CSMD3: variants seen among roughly 807,000 people sequenced by gnomAD.
The protein encoded by CSMD3 is CUB and sushi domain-containing protein 3.
In CSMD3, 177 loss-of-function variants were observed where a neutral mutation model predicts 435.2. The ratio of observed to expected loss-of-function variants is 0.41; its 90% CI spans 0.36 to 0.46. The LOEUF (loss-of-function observed/expected upper bound fraction) is 0.46. Among genes scored for constraint, CSMD3 ranks in the 20% least tolerant of loss-of-function variants. The pLI is 0.34. For missense variants in CSMD3, 4,265 were observed against 4,504.6 expected, an observed-to-expected ratio of 0.95 and a Z score of 1.52; for synonymous variants, 1,656 against 1,520.5, an observed-to-expected ratio of 1.09 and a Z score of -2.07.
At chr8:113,274,817 TAC>T (rs57828038) in intron 3 of CSMD3, among the ~76,000 whole-genome samples, 20 of 132,616 alleles carry the variant, frequency 1.5e-4, no homozygotes, top group Non-Finnish European at 2.4e-4. Flanking sequence ...CACATTCAGC[TAC>T]ACACACACAC....
intron 13 of CSMD3, among the ~76,000 whole-genome samples, chr8:112,691,862 G>A (rs190324098): frequency 5.3e-4 from 80 of 152,120 alleles, no homozygotes; most frequent in African/African-American, 1.8e-3. Context: ...GTGCAGTGGC[G>A]TGATCTCGGC....
chr8:112,432,983 A>G (rs1813878721), intron 32 of CSMD3, among the ~76,000 whole-genome samples: 1 of 152,210 alleles, frequency 6.6e-6, no homozygotes, highest in Non-Finnish European at 1.5e-5. Context: ...AACAGTTACA[A>G]CTTAATTCTG....
intron 42 of CSMD3, among the ~76,000 whole-genome samples, chr8:112,341,000 T>C (rs1357366746): frequency 6.6e-6 from 1 of 152,104 alleles, no homozygotes; most frequent in Non-Finnish European, 1.5e-5. Context: ...AGGTCTAATA[T>C]AACATGATTA....
At chr8:113,039,797 C>T (rs919670480) in intron 5 of CSMD3, among the ~76,000 whole-genome samples, 5 of 152,118 alleles carry the variant, frequency 3.3e-5, no homozygotes, top group Non-Finnish European at 7.4e-5. Context: ...AACACATATG[C>T]CCGTACTCCA....
intron 10 of CSMD3, among the ~76,000 whole-genome samples, chr8:112,864,002 A>G (rs2080901942): frequency 6.6e-6 from 1 of 152,146 alleles, no homozygotes; most frequent in South Asian, 2.1e-4. Flanking sequence ...ATACCATTCA[A>G]TATTGTCTTA....
At chr8:113,424,491 C>T (rs2094624788) in intron 1 of CSMD3, among the ~76,000 whole-genome samples, 1 of 151,216 alleles carries the variant, frequency 6.6e-6, no homozygotes, top group South Asian at 2.1e-4. Flanking sequence ...TTAGCTCAGT[C>T]TTCTTTCATG....
intron 32 of CSMD3, among the ~76,000 whole-genome samples, chr8:112,452,696 A>T (rs1271422625): frequency 6.6e-6 from 1 of 152,200 alleles, no homozygotes; most frequent in Non-Finnish European, 1.5e-5. Flanking sequence ...ATTTGATTAC[A>T]TCACTCATCT....
chr8:113,092,626 A>C (rs1221645257), intron 5 of CSMD3, among the ~76,000 whole-genome samples: 1 of 152,124 alleles, frequency 6.6e-6, no homozygotes, highest in Non-Finnish European at 1.5e-5. Context: ...GTAGCTGATG[A>C]CTGCCATTTG....
Position 112,234,373 on chromosome 8 carries a change from C to A in CSMD3, c.10732G>T (p.Asp3578Tyr), listed in dbSNP as rs777073366. 4 of 1,598,708 alleles carry A rather than the reference C, an allele frequency of 2.5e-6. No homozygotes were observed. The South Asian group carries it at 4.4e-5, about 18-fold the overall frequency. Residue 3578 changes from aspartate to tyrosine, a missense_variant, in exon 68 of 71, where the codon GAT (aspartate) becomes TAT (tyrosine). By Grantham distance (160) the Asp-to-Tyr change is radical. Coordinates refer to ENST00000297405, the MANE Select transcript of CSMD3 (RefSeq NM_198123.2). ...KKMKEENWAM[D>Y]GFVSAEPDGA... ...AAAATAACTATACTTACAAAGCCAT[C>A]CATTGCCCAATTTTCTTCCTTCATT...
intron 12 of CSMD3, among the ~76,000 whole-genome samples, chr8:112,807,973 T>C (rs2079133066): frequency 6.6e-6 from 1 of 152,168 alleles, no homozygotes; most frequent in Admixed American, 6.5e-5. Context: ...ATTGACATAC[T>C]CATCTAAGTA....
intron 3 of CSMD3, among the ~76,000 whole-genome samples, chr8:113,257,787 T>C (rs1341050223): frequency 6.6e-6 from 1 of 152,202 alleles, no homozygotes; most frequent in Non-Finnish European, 1.5e-5. Context: ...CTGTATCAAG[T>C]GTAGAAACAT....
chr8:112,871,215 G>C (rs2081126827), intron 10 of CSMD3, among the ~76,000 whole-genome samples: 1 of 152,156 alleles, frequency 6.6e-6, no homozygotes, highest in South Asian at 2.1e-4. Flanking sequence ...ACAATGTGCT[G>C]ATGAAATACT....
intron 5 of CSMD3, among the ~76,000 whole-genome samples, chr8:113,087,252 G>C (rs891905153): frequency 2.0e-5 from 3 of 152,082 alleles, no homozygotes; most frequent in African/African-American, 4.8e-5. Flanking sequence ...TGGGTAGGAA[G>C]AATCAATATC....
chr8:112,550,171 TATTGTTATAG>T (rs1303749845), intron 27 of CSMD3, among the ~76,000 whole-genome samples: 8 of 152,026 alleles, frequency 5.3e-5, no homozygotes, highest in Admixed American at 5.3e-4. Context: ...ATTGTCATAT[TATTGTTATAG>T]AAAATCTTTA....
At chr8:113,374,376 C>T (rs2094365444) in intron 1 of CSMD3, among the ~76,000 whole-genome samples, 1 of 151,968 alleles carries the variant, frequency 6.6e-6, no homozygotes, top group Non-Finnish European at 1.5e-5. Context: ...ACGAATGAGA[C>T]AAGTTTGAAT....
At chr8:112,928,303 C>T (rs1429440134) in intron 9 of CSMD3, among the ~76,000 whole-genome samples, 3 of 152,092 alleles carry the variant, frequency 2.0e-5, no homozygotes, top group African/African-American at 7.2e-5. Context: ...GCTAACCAAG[C>T]TAAAAGCAAA....
intron 45 of CSMD3, among the ~76,000 whole-genome samples, chr8:112,333,808 A>G (rs1824306936): frequency 6.6e-6 from 1 of 152,152 alleles, no homozygotes; most frequent in Non-Finnish European, 1.5e-5. Context: ...TCATCAATGA[A>G]TAGTCCTTTC....
At chr8:112,907,828 T>C (rs1409141926) in intron 10 of CSMD3, among the ~76,000 whole-genome samples, 1 of 151,408 alleles carries the variant, frequency 6.6e-6, no homozygotes, top group Non-Finnish European at 1.5e-5. Flanking sequence ...GAAAAAGTAA[T>C]GTTTTAAAGT....
At chr8:112,954,966 T>A (rs1305435413) in intron 7 of CSMD3, among the ~76,000 whole-genome samples, 1 of 151,590 alleles carries the variant, frequency 6.6e-6, no homozygotes, top group Non-Finnish European at 1.5e-5. Context: ...TTTTAAATAT[T>A]CTACAGGGAA....
Sources: allele counts gnomAD v4.1 joint callset (sites outside exome capture counted in the v4.1 genomes callset), GRCh38; gene constraint gnomAD v4.1.1; transcripts MANE v1.5; gene names NCBI Gene and HGNC (gene_info 2026-07-23, HGNC 2026-07-21).